Variants in MYH9 observed in about 807,000 individuals in gnomAD.
MYH9 encodes myosin heavy chain 9, also known as myosin-9.
A neutral mutation model predicts 241.9 loss-of-function variants in MYH9; 29 were observed. The ratio of observed to expected loss-of-function variants is 0.12; its 90% CI spans 0.09 to 0.16. MYH9 has a LOEUF of 0.16. MYH9 is among the 10% of genes least tolerant of loss of function. The pLI is 1.00. For synonymous variants in MYH9, 1,047 were observed against 1,062.6 expected (o/e 0.99, Z 0.29); for missense variants, 1,803 against 2,595.5 (o/e 0.69, Z 6.63).
At position 36,358,119 on chromosome 22, in the gene MYH9, C is replaced by CA. The variant is rs552478064; in HGVS notation, c.-19-8865dup. 3.4e-3 allele frequency among the ~76,000 whole-genome samples: 511 copies of CA among 152,308 alleles called. 6 individuals are homozygous for CA. The highest frequency in any genetic ancestry group is 0.011 in the African/African-American group (441 of 41,564). On this transcript the variant is annotated intron_variant, in intron 1 of 40. Transcript: ENST00000216181. The stretch of plus-strand genomic sequence containing the variant: ...CTGGGAATCCCATCAGGCTGGAATG[C>CA]AGTGGCGTGATCTTGGCTCACTGCA...
At chr22:36,297,040 G>C (rs762281656) in intron 24 of MYH9, 26 bp from the exon 25 acceptor site, 6 of 1,611,584 alleles carry the variant, frequency 3.7e-6, no homozygotes, top group Non-Finnish European at 5.1e-6. Flanking sequence ...AGCCCACATA[G>C]CCCTCAGTGC....
chr22:36,372,648 A>T (rs903610336), intron 1 of MYH9, among the ~76,000 whole-genome samples: 1 of 152,132 alleles, frequency 6.6e-6, no homozygotes, highest in African/African-American at 2.4e-5. Flanking sequence ...CCTGGTGCTG[A>T]TCCAGGTCCC....
chr22:36,316,695 G>T (rs1243261536), intron 11 of MYH9, 26 bp from the exon 12 acceptor site: 5 of 1,612,940 alleles, frequency 3.1e-6, no homozygotes, highest in Middle Eastern at 1.7e-4. Context: ...GGGGAGCGTG[G>T]TGTCAGATAC....
chr22:36,294,286 G>A lies in MYH9; in HGVS notation c.3643C>T (p.Leu1215Phe). Residue 1215 changes from leucine (L) to phenylalanine (F), a missense_variant, in exon 28 of 41, where the codon CTC becomes TTC. Physicochemically the swap from Leu to Phe is conservative, Grantham distance 22. Coordinates refer to ENST00000216181, the MANE Select transcript of MYH9 (RefSeq NM_002473.6). Reference sequence around the variant, plus strand: ...TCCAGAGTCTGCTTTGCCTTCTCGAGGTTTGCTTTCACCTAGCAGGGAAGA... The same window carrying A: ...TCCAGAGTCTGCTTTGCCTTCTCGAAGTTTGCTTTCACCTAGCAGGGAAGA... Reference protein sequence around the residue: ...LEQTKRVKANLEKAKQTLENE... With the variant: ...LEQTKRVKANFEKAKQTLENE... 2 of 1,613,876 alleles carry A rather than the reference G, an allele frequency of 1.2e-6. No homozygotes were observed. The highest frequency in any genetic ancestry group is 1.1e-5 in the South Asian group (1 of 91,088).
At chr22:36,303,234 G>C (rs915345465) in intron 19 of MYH9, among the ~76,000 whole-genome samples, 3 of 152,042 alleles carry the variant, frequency 2.0e-5, no homozygotes, top group Non-Finnish European at 2.9e-5. Context: ...CGAGCACAAG[G>C]GGACGAGTGT....
intron 3 of MYH9, among the ~76,000 whole-genome samples, chr22:36,338,908 C>T (rs576252986): frequency 3.0e-4 from 45 of 152,156 alleles, no homozygotes; most frequent in African/African-American, 1.0e-3. Context: ...AGAATCTTGA[C>T]AAATCATGAA....
intron 2 of MYH9, among the ~76,000 whole-genome samples, chr22:36,348,162 A>C (rs2017708278): frequency 6.7e-6 from 1 of 149,528 alleles, no homozygotes; most frequent in South Asian, 2.1e-4. Flanking sequence ...TATTTAAAAA[A>C]TAAAATGTTA....
rs1006865394 is a variant in MYH9 at position 36,322,648 on chromosome 22, C to T, written c.613-127G>A. 5.7e-5 allele frequency: 51 copies of T among 902,296 alleles called. 1 individual carries two copies. The highest frequency in any genetic ancestry group is 1.2e-4 in the South Asian group (9 of 72,660). The allele number at this position is 902,296 out of a possible 1,614,324, so 55.9% of individuals were successfully genotyped here. A position where few individuals can be genotyped will look rare whatever the true frequency, so the allele number is the denominator to read the frequency against. On this transcript the variant is annotated intron_variant, in intron 5 of 40. Transcript: ENST00000216181. ...CCAACGTGCCAGGAACAGAGGTTTC[C>T]GGGTGGGCTCCAGTGTGCGACTCCA...
chr22:36,296,811 C>T (rs1381831399), intron 25 of MYH9, 32 bp downstream of exon 25: 3 of 1,584,302 alleles, frequency 1.9e-6, no homozygotes, highest in Non-Finnish European at 2.6e-6. Flanking sequence ...GCCCAGGCCA[C>T]CTGGCCTCAG....
chr22:36,301,070 A>G lies in MYH9; in HGVS notation c.2632-13T>C, dbSNP rs761427530. ...TCTCTGCCATGAGCTGCAAACAACA[A>G]GTGGAAAACACAAGCTCCTCGCAAC... On this transcript the variant is annotated splice_polypyrimidine_tract_variant and intron_variant, in intron 21 of 40. Transcript: ENST00000216181. 1 of 1,607,010 alleles carries G rather than the reference A, an allele frequency of 6.2e-7. No homozygotes were observed. The highest frequency in any genetic ancestry group is 1.1e-5 in the South Asian group (1 of 91,068).
At position 36,300,064 on chromosome 22, in the gene MYH9, T is replaced by G. The variant is rs1603483038; in HGVS notation, c.2976+63A>C. 1.3e-6 allele frequency: 2 copies of G among 1,597,022 alleles called. No homozygotes were observed. On this transcript the variant is annotated intron_variant, in intron 23 of 40. Coordinates refer to ENST00000216181, the MANE Select transcript of MYH9 (RefSeq NM_002473.6). This position sits in a 1 kb window ranked among gnomAD's most constrained non-coding sequence, Gnocchi z 5.0. ...AGCGGGGAGCCAGGCCCTGCAAGGG[T>G]GACCACACTCTCCCATCCACGGCGC...
rs142200256 is a variant in MYH9 at position 36,306,295 on chromosome 22, G to A, written c.2037+119C>T. On this transcript the variant is annotated intron_variant, in intron 16 of 40. Coordinates refer to ENST00000216181, the MANE Select transcript of MYH9 (RefSeq NM_002473.6). The surrounding 1 kb of genome is among the most constrained non-coding windows in gnomAD (Gnocchi z 4.1). ...GCCAAGGCCCACCCTGCAGAGAAAC[G>A]ACTGAAGGCTCTGTGCATGCTGGGG... 4.6e-4 allele frequency: 639 copies of A among 1,383,208 alleles called. 4 individuals carry two copies. The East Asian group carries it at 0.011, about 23-fold the overall frequency. 85.7% of individuals were successfully genotyped at this position (1,383,208 alleles called of 1,614,324 possible).
intron 5 of MYH9, among the ~76,000 whole-genome samples, chr22:36,323,015 T>G (rs1185885479): frequency 1.3e-5 from 2 of 152,228 alleles, no homozygotes; most frequent in Non-Finnish European, 2.9e-5. Context: ...TGATAAATGC[T>G]TCACTTTCTG....
intron 19 of MYH9, among the ~76,000 whole-genome samples, chr22:36,303,201 C>A (rs942468095): frequency 1.3e-5 from 2 of 152,014 alleles, no homozygotes; most frequent in Non-Finnish European, 2.9e-5. Flanking sequence ...CAGAGCTCGG[C>A]GCTCCTGCTA....
At chr22:36,348,066 TAAAA>T (rs1471733189) in intron 2 of MYH9, among the ~76,000 whole-genome samples, 1 of 128,402 alleles carries the variant, frequency 7.8e-6, no homozygotes, top group Non-Finnish European at 1.6e-5. Flanking sequence ...AATAAATAAA[TAAAA>T]TATTTAAAAT....
intron 1 of MYH9, among the ~76,000 whole-genome samples, chr22:36,386,518 C>T (rs918091960): frequency 5.3e-5 from 8 of 152,228 alleles, no homozygotes; most frequent in African/African-American, 1.9e-4. Flanking sequence ...GGAGCTAAGG[C>T]TCTCTTCCCT....
chr22:36,387,307 G>T (rs548783593), intron 1 of MYH9, among the ~76,000 whole-genome samples: 10 of 152,356 alleles, frequency 6.6e-5, no homozygotes, highest in African/African-American at 2.2e-4. Context: ...GCTGCCAAAC[G>T]GTGCCCGCTG....
At chr22:36,287,614 C>T (rs554904714) in intron 34 of MYH9, among the ~76,000 whole-genome samples, 37 of 152,250 alleles carry the variant, frequency 2.4e-4, no homozygotes, top group African/African-American at 6.5e-4. Context: ...TGGCGGCGTG[C>T]GCCTGTAGTC....
rs1195282191 is a variant in MYH9 at position 36,299,170 on chromosome 22, T to C, written c.2977-128A>G. On this transcript the variant is annotated intron_variant, in intron 23 of 40. Transcript: ENST00000216181. Reference sequence around the variant, plus strand: ...GGCTTTAGACGCTTGATCAAGTTCATTAGGATTTTCCTAGATCAAAGGATA... The same window carrying C: ...GGCTTTAGACGCTTGATCAAGTTCACTAGGATTTTCCTAGATCAAAGGATA... The C allele has an allele frequency of 3.1e-6, 4 of 1,302,630 alleles. No homozygotes were observed. In the Admixed American group the frequency reaches 5.2e-5, roughly 17 times the overall value. The allele number at this position is 1,302,630 out of a possible 1,614,324, so 80.7% of individuals were successfully genotyped here. A position where few individuals can be genotyped will look rare whatever the true frequency, so the allele number is the denominator to read the frequency against.
Sources: gnomAD v4.1 joint callset for allele counts (sites outside exome capture counted in the v4.1 genomes callset) on GRCh38, gnomAD v4.1.1 for gene constraint, Gnocchi (gnomAD v3.1) non-coding constraint, MANE v1.5 for transcripts, NCBI Gene and HGNC (gene_info 2026-07-23, HGNC 2026-07-21) for gene names.